Variants in NADK2 observed in about 807,000 individuals in gnomAD.
NADK2 encodes NAD kinase domain-containing protein 1, mitochondrial.
A neutral mutation model predicts 62.1 loss-of-function variants in NADK2; 35 were observed. That is an observed-to-expected ratio of 0.56 (90% CI 0.43 to 0.75). The LOEUF is 0.75. NADK2 is among the 30% of genes least tolerant of loss of function. NADK2 has a pLI of 0.00. For missense variants in NADK2, 439 were observed against 561.3 expected (o/e 0.78, Z 2.20); for synonymous variants, 205 against 207.9 (o/e 0.99, Z 0.12).
chr5:36,197,370 T>C (rs1309273055), intron 11 of NADK2, among the ~76,000 whole-genome samples, 171 bp downstream of exon 11: 2 of 152,070 alleles, frequency 1.3e-5, no homozygotes, highest in Non-Finnish European at 2.9e-5. Context: ...AAAGAAAATA[T>C]GATTTTAGCC....
chr5:36,241,304 T>C lies in NADK2; in HGVS notation c.300+195A>G. 9.0e-7 allele frequency: 1 copy of C among 1,115,208 alleles called. No homozygotes were observed. Among genetic ancestry groups the C allele is most frequent in the African/African-American group, 1.7e-5 (1 of 60,338 alleles). 69.1% of individuals were successfully genotyped at this position (1,115,208 alleles called of 1,614,324 possible). A position where few individuals can be genotyped will look rare whatever the true frequency, so the allele number is the denominator to read the frequency against. ...CTCTCCCCCTCTCCCCGGCCCTGCC[T>C]CTCCCTCGCACACACGCCCAAAGGC... On this transcript the variant is annotated intron_variant, in intron 1 of 11. Transcript: ENST00000381937. This position sits in a 1 kb window ranked among gnomAD's most constrained non-coding sequence, Gnocchi z 4.9.
intron 4 of NADK2, 99 bp from the exon 5 acceptor site, chr5:36,219,778 AGAAAT>A: frequency 1.2e-6 from 1 of 865,960 alleles, no homozygotes; most frequent in South Asian, 1.6e-5. Flanking sequence ...TATAAAAATA[AGAAAT>A]GAAATTCTAA....
chr5:36,208,476 A>C, intron 7 of NADK2: 2 of 600,364 alleles, frequency 3.3e-6, no homozygotes. Flanking sequence ...GGCAGAGAGA[A>C]AGACAAGTAC....
At chr5:36,225,332 T>A (rs1274146781) in intron 4 of NADK2, among the ~76,000 whole-genome samples, 1 of 152,180 alleles carries the variant, frequency 6.6e-6, no homozygotes, top group African/African-American at 2.4e-5. Flanking sequence ...ATGCTTCCAC[T>A]TAGACACCAT....
rs935451586 is a variant in NADK2, at chr5:36,193,845, A to C, written c.*1299T>G. The C allele has an allele frequency of 6.6e-6, 1 of 152,644 alleles. No homozygotes were observed. Among genetic ancestry groups the C allele is most frequent in the Non-Finnish European group, 1.5e-5 (1 of 68,032 alleles). The allele number at this position is 152,644 out of a possible 1,614,324, so 9.5% of individuals were successfully genotyped here. A position where few individuals can be genotyped will look rare whatever the true frequency, so the allele number is the denominator to read the frequency against. ...ATTTACTTCTGAGCCCACAAGACTC[A>C]AATTGTATAAGGATAGAGTCTGTTT... is the stretch of plus-strand genomic sequence containing the variant. On this transcript the variant is annotated 3_prime_UTR_variant, in exon 12 of 12. Transcript: ENST00000381937.
chr5:36,218,518 T>C (rs1427344632), intron 5 of NADK2, among the ~76,000 whole-genome samples: 11 of 152,200 alleles, frequency 7.2e-5, no homozygotes, highest in African/African-American at 2.4e-4. Context: ...AGCTATAAAT[T>C]AGCCATTTCT....
At chr5:36,197,021 A>G (rs1472508993) in intron 11 of NADK2, among the ~76,000 whole-genome samples, 2 of 152,018 alleles carry the variant, frequency 1.3e-5, no homozygotes, top group East Asian at 1.9e-4. Context: ...AAATTGGGGA[A>G]CCTTTACAAA....
In NADK2 at chr5:36,195,384, A is replaced by G. The variant is rs573447459; in HGVS notation, c.1191-102T>C. The G allele has an allele frequency of 1.9e-5, 24 of 1,240,838 alleles. No individual in the cohort carries two copies. The African/African-American group carries it at 3.7e-4, about 19-fold the overall frequency. 76.9% of individuals were successfully genotyped at this position (1,240,838 alleles called of 1,614,324 possible). On this transcript the variant is annotated intron_variant, in intron 11 of 11. Transcript: ENST00000381937. Reference sequence around the variant, plus strand: ...CAGATCATTTGGCCTCCATTTTAAAAATCAAGTTGTTCTCTGGTATGAGAA... The same window carrying G: ...CAGATCATTTGGCCTCCATTTTAAAGATCAAGTTGTTCTCTGGTATGAGAA...
rs905368981 is a variant in NADK2, at chr5:36,205,448, G to T, written c.956+1722C>A. The stretch of plus-strand genomic sequence containing the variant: ...GAGAACAAAAAGTGTGCTGAGAATT[G>T]CAAGTAGCTGTGCCAATTCTAGTGT... On this transcript the variant is annotated intron_variant, in intron 8 of 11. Transcript: ENST00000381937. The surrounding 1 kb of genome is among the most constrained non-coding windows in gnomAD (Gnocchi z 4.1). Among the ~76,000 whole-genome samples the T allele has an allele frequency of 1.3e-5, 2 of 152,054 alleles. No homozygotes were observed. Among genetic ancestry groups the T allele is most frequent in the Admixed American group, 1.3e-4 (2 of 15,226 alleles).
At chr5:36,222,062 G>A (rs2112148996) in intron 4 of NADK2, among the ~76,000 whole-genome samples, 1 of 152,026 alleles carries the variant, frequency 6.6e-6, no homozygotes, top group Non-Finnish European at 1.5e-5. Context: ...TAAAATACAA[G>A]GTCCTATACT....
Position 36,224,604 on chromosome 5 carries a change from A to G in NADK2, c.560+938T>C, listed in dbSNP as rs1448251878. ...AGAAAGCAAGAAAGAAATATTTAAG[A>G]AAGTGAATGAAGTGAGGAAGAAATA... On this transcript the variant is annotated intron_variant, in intron 4 of 11. Transcript: ENST00000381937. Among the ~76,000 whole-genome samples, 4 of 152,084 alleles carry G rather than the reference A, an allele frequency of 2.6e-5. No individual in the cohort carries two copies. In the East Asian group the frequency reaches 5.8e-4, roughly 22 times the overall value.
chr5:36,217,902 A>G lies in NADK2; in HGVS notation c.645-18T>C, dbSNP rs376719220. The G allele has an allele frequency of 5.6e-6, 9 of 1,608,618 alleles. No individual in the cohort carries two copies. The highest frequency in any genetic ancestry group is 6.8e-6 in the Non-Finnish European group (8 of 1,176,230). ...ACAACCACCTTAGAAAAATGAAGAA[A>G]AGGCAAATTATGTTAAAATAGAATA... On this transcript the variant is annotated intron_variant, in intron 5 of 11. Transcript: ENST00000381937.
intron 1 of NADK2, among the ~76,000 whole-genome samples, chr5:36,228,670 G>T (rs1256846871): frequency 6.6e-6 from 1 of 151,646 alleles, no homozygotes; most frequent in African/African-American, 2.4e-5. Context: ...CCAGGCCGGG[G>T]TGTGGTAGTG....
chr5:36,199,553 C>A (rs13174907), intron 10 of NADK2, among the ~76,000 whole-genome samples: 4 of 151,776 alleles, frequency 2.6e-5, no homozygotes, highest in African/African-American at 7.3e-5. Flanking sequence ...CAATCTGATA[C>A]GCAAATCAAA....
rs1053907249 is a variant in NADK2, at chr5:36,241,411, C to A, written c.300+88G>T. On this transcript the variant is annotated intron_variant, in intron 1 of 11. Coordinates refer to ENST00000381937, the MANE Select transcript of NADK2 (RefSeq NM_001085411.3). The surrounding 1 kb of genome is among the most constrained non-coding windows in gnomAD (Gnocchi z 4.9). The stretch of plus-strand genomic sequence containing the variant: ...GCATCTGCGGTGCCCTGGGAAGAGT[C>A]GTCCCGAGAGGTCCCCCCGAGGGGG... 4 of 1,410,082 alleles carry A rather than the reference C, an allele frequency of 2.8e-6. No homozygotes were observed. Among genetic ancestry groups the A allele is most frequent in the East Asian group, 3.0e-5 (1 of 33,048 alleles). 87.3% of individuals were successfully genotyped at this position (1,410,082 alleles called of 1,614,324 possible).
chr5:36,217,637 G>A, intron 6 of NADK2, 111 bp downstream of exon 6: 1 of 1,120,226 alleles, frequency 8.9e-7, no homozygotes, highest in Non-Finnish European at 1.3e-6. Flanking sequence ...ACTTTGTTAA[G>A]TGCTATTAAT....
At chr5:36,240,149 C>T (rs1748053014) in intron 1 of NADK2, among the ~76,000 whole-genome samples, 1 of 152,202 alleles carries the variant, frequency 6.6e-6, no homozygotes, top group Admixed American at 6.5e-5. Context: ...TAGTTTCACT[C>T]CCTAATACAA....
intron 1 of NADK2, among the ~76,000 whole-genome samples, chr5:36,237,974 C>T (rs1226537585): frequency 6.6e-6 from 1 of 152,026 alleles, no homozygotes; most frequent in Non-Finnish European, 1.5e-5. Flanking sequence ...TGTGGAGTTC[C>T]AAGCAAAAGA....
chr5:36,211,980 T>G, intron 6 of NADK2, 58 bp from the exon 7 acceptor site: 1 of 1,332,286 alleles, frequency 7.5e-7, no homozygotes, highest in Non-Finnish European at 1.1e-6. Context: ...CTAGAAATGT[T>G]ATAAAAATTT....
Sources: gnomAD v4.1 joint callset for allele counts (sites outside exome capture counted in the v4.1 genomes callset) on GRCh38, gnomAD v4.1.1 for gene constraint, Gnocchi (gnomAD v3.1) non-coding constraint, MANE v1.5 for transcripts, NCBI Gene and HGNC (gene_info 2026-07-23, HGNC 2026-07-21) for gene names.